Variants in MRPS25 observed in about 807,000 individuals in gnomAD.
MRPS25 encodes mitochondrial ribosomal protein S25.
A neutral mutation model predicts 17.3 loss-of-function variants in MRPS25; 15 were observed. The ratio of observed to expected loss-of-function variants is 0.87; its 90% CI spans 0.58 to 1.34. MRPS25 has a LOEUF of 1.34. Ranked by LOEUF, MRPS25 falls within the 40% of genes most tolerant of loss-of-function variation. The probability of loss-of-function intolerance (pLI) is 0.00; values close to 1 mark genes in which losing one functional copy is unlikely to be tolerated. For missense variants in MRPS25, 225 were observed against 218.6 expected, an observed-to-expected ratio of 1.03 and a Z score of -0.19; for synonymous variants, 94 against 83.3, an observed-to-expected ratio of 1.13 and a Z score of -0.70.
At chr3:15,061,486 G>A (rs1321979018) in intron 1 of MRPS25, among the ~76,000 whole-genome samples, 5 of 152,218 alleles carry the variant, frequency 3.3e-5, no homozygotes, top group Non-Finnish European at 7.3e-5. Flanking sequence ...CAGAGGTGCC[G>A]GGATTGCAGA....
chr3:15,051,290 C>A lies in MRPS25; in HGVS notation c.*1151G>T. 1 of 697,716 alleles carries A rather than the reference C, an allele frequency of 1.4e-6. No homozygotes were observed. The highest frequency in any genetic ancestry group is 1.8e-6 in the Non-Finnish European group (1 of 567,206). The allele number at this position is 697,716 out of a possible 1,614,324, so 43.2% of individuals were successfully genotyped here. ...AGCCTTGATCTCGCAGGCTCGAGATCCTCCCACCTCAGCTTCCCAAATAGC... is the reference window on the plus strand; with the variant it reads ...AGCCTTGATCTCGCAGGCTCGAGATACTCCCACCTCAGCTTCCCAAATAGC... On this transcript the variant is annotated 3_prime_UTR_variant, in exon 4 of 4. Transcript: ENST00000253686.
Position 15,052,969 on chromosome 3 carries a change from T to G in MRPS25, c.330-336A>C, listed in dbSNP as rs548182564. Among the ~76,000 whole-genome samples, 6 of 152,236 alleles carry G rather than the reference T, an allele frequency of 3.9e-5. No homozygotes were observed. The East Asian group carries it at 1.2e-3, about 29-fold the overall frequency. On this transcript the variant is annotated intron_variant, in intron 3 of 3. Transcript: ENST00000253686. ...TCTGTGTGGTTTCTCAAAGACAGAC[T>G]TTTTCAGCTTCCGTCCCTTTCTGTC...
In MRPS25 at chr3:15,053,207, T is replaced by C. The variant is rs1018744478; in HGVS notation, c.329+173A>G. 7 of 1,395,424 alleles carry C rather than the reference T, an allele frequency of 5.0e-6. No individual in the cohort carries two copies. The African/African-American group carries it at 1.0e-4, about 20-fold the overall frequency. The allele number at this position is 1,395,424 out of a possible 1,614,324, so 86.4% of individuals were successfully genotyped here. A position where few individuals can be genotyped will look rare whatever the true frequency, so the allele number is the denominator to read the frequency against. On this transcript the variant is annotated intron_variant, in intron 3 of 3. Transcript: ENST00000253686. ...ATAAAGCTTACAGAGGTTTAATGAT[T>C]TGGTAAAGAGCAACATCAGAAAGAA...
At position 15,050,846 on chromosome 3, in the gene MRPS25, T is replaced by A. The variant is rs2042593289; in HGVS notation, c.*1595A>T. On this transcript the variant is annotated 3_prime_UTR_variant, in exon 4 of 4. Transcript: ENST00000253686. ...AAACTTGAGCATCAAATGTAAAAGATCCAAATCTGCTCAATTTAATGTGAT... is the reference window on the plus strand; with the variant it reads ...AAACTTGAGCATCAAATGTAAAAGAACCAAATCTGCTCAATTTAATGTGAT... 3.0e-6 allele frequency: 3 copies of A among 984,954 alleles called. No homozygotes were observed. In the African/African-American group the frequency reaches 5.3e-5, roughly 17 times the overall value. The allele number at this position is 984,954 out of a possible 1,614,324, so 61.0% of individuals were successfully genotyped here. A position where few individuals can be genotyped will look rare whatever the true frequency, so the allele number is the denominator to read the frequency against.
At chr3:15,053,903 C>T (rs1249361934) in intron 2 of MRPS25, among the ~76,000 whole-genome samples, 1 of 152,152 alleles carries the variant, frequency 6.6e-6, no homozygotes, top group Non-Finnish European at 1.5e-5. Context: ...AGAACGTTTA[C>T]TTTCCAATTT....
rs1166441566 is a variant in MRPS25 at position 15,050,106 on chromosome 3, A to G, written c.*2335T>C. ...TTCATCACTACTAAACAAAATAGGG[A>G]AAGACAAAGGTTTAAAGAGAAACTA... On this transcript the variant is annotated 3_prime_UTR_variant, in exon 4 of 4. Coordinates refer to ENST00000253686, the MANE Select transcript of MRPS25 (RefSeq NM_022497.5). 2.9e-6 allele frequency: 4 copies of G among 1,394,382 alleles called. No individual in the cohort carries two copies. Among genetic ancestry groups the G allele is most frequent in the Non-Finnish European group, 2.8e-6 (3 of 1,087,438 alleles). The allele number at this position is 1,394,382 out of a possible 1,614,324, so 86.4% of individuals were successfully genotyped here.
At chr3:15,063,059 AAAAG>A (rs1559330831) in intron 1 of MRPS25, among the ~76,000 whole-genome samples, 3 of 152,210 alleles carry the variant, frequency 2.0e-5, no homozygotes, top group East Asian at 1.9e-4. Flanking sequence ...AAAAAAAAAA[AAAAG>A]AAAGTTAATA....
At position 15,059,382 on chromosome 3, in the gene MRPS25, C is replaced by G. The variant is rs765735647; in HGVS notation, c.228G>C (p.Leu76=). 2 of 1,612,696 alleles carry G rather than the reference C, an allele frequency of 1.2e-6. No homozygotes were observed. The highest frequency in any genetic ancestry group is 1.7e-5 in the Admixed American group (1 of 59,998). ...GGCCCCACTCACCTAAGTAGAATCG[C>G]AGGAAGGGTGACGGCGTCATGTTCT... is the stretch of plus-strand genomic sequence containing the variant. ...MFKNMTPSPF[L]RFYLDSGEQV... Residue 76 remains leucine, a synonymous_variant, in exon 2 of 4, where the codon CTG becomes CTC. Coordinates refer to ENST00000253686, the MANE Select transcript of MRPS25 (RefSeq NM_022497.5).
At chr3:15,064,997 G>A in intron 1 of MRPS25, 64 bp downstream of exon 1, 2 of 1,545,660 alleles carry the variant, frequency 1.3e-6, no homozygotes, top group Non-Finnish European at 1.7e-6. Context: ...GGGACCTCAC[G>A]TTACCAGCAG....
At chr3:15,052,673 T>G in intron 3 of MRPS25, 40 bp from the exon 4 acceptor site, 1 of 1,598,478 alleles carries the variant, frequency 6.3e-7, no homozygotes, top group Non-Finnish European at 8.5e-7. Flanking sequence ...ATTGGCAACT[T>G]TGAGTGGCAG....
At chr3:15,055,428 A>G (rs1453366612) in intron 2 of MRPS25, among the ~76,000 whole-genome samples, 1 of 152,256 alleles carries the variant, frequency 6.6e-6, no homozygotes, top group Non-Finnish European at 1.5e-5. Flanking sequence ...CAAGATATGC[A>G]AATGGCTAAA....
chr3:15,056,028 A>G (rs1367801378), intron 2 of MRPS25, among the ~76,000 whole-genome samples: 9 of 151,900 alleles, frequency 5.9e-5, no homozygotes. Context: ...CCTGGCTAAC[A>G]CCGTGAAACC....
rs2042619757 is a variant in MRPS25, at chr3:15,052,627, G to A, written c.336C>T (p.Thr112=). The A allele has an allele frequency of 6.2e-7, 1 of 1,613,538 alleles. No homozygotes were observed. ...TTTTCTCCTCCTCCTCTTCCCTGAG[G>A]GTTTCCCTGCCAAAGAGCACAGACG... ...IRKILGKNEE[T]LREEEEEKKQ... is the part of the protein sequence containing the mutation. The change falls in exon 4 of 4, where the codon ACC becomes ACT. Residue 112 remains threonine (T), a synonymous_variant. Transcript: ENST00000253686.
In MRPS25 at chr3:15,051,507, C is replaced by T; in HGVS notation, c.*934G>A. On this transcript the variant is annotated 3_prime_UTR_variant, in exon 4 of 4. Transcript: ENST00000253686. The stretch of plus-strand genomic sequence containing the variant: ...CTAGCTAAACCTATTCTTAAGGTGA[C>T]CCTAGAAGGCTCTGCTGTCTTCTGG... 2.0e-6 allele frequency: 2 copies of T among 985,366 alleles called. No homozygotes were observed. The highest frequency in any genetic ancestry group is 2.4e-6 in the Non-Finnish European group (2 of 829,912). 61.0% of individuals were successfully genotyped at this position (985,366 alleles called of 1,614,324 possible). A position where few individuals can be genotyped will look rare whatever the true frequency, so the allele number is the denominator to read the frequency against.
chr3:15,042,746 A>G, downstream of MRPS25: 4 of 1,196,960 alleles, frequency 3.3e-6, no homozygotes, highest in South Asian at 5.8e-5. Flanking sequence ...GATTCTGTGC[A>G]ATACAGACGG....
At chr3:15,058,823 C>G (rs975009554) in intron 2 of MRPS25, among the ~76,000 whole-genome samples, 11 of 152,068 alleles carry the variant, frequency 7.2e-5, no homozygotes, top group Non-Finnish European at 1.6e-4. Flanking sequence ...TCCTCGTTTT[C>G]CAGCGTGGAG....
chr3:15,058,934 A>ATGTCTC (rs890932369), intron 2 of MRPS25, among the ~76,000 whole-genome samples: 2 of 151,880 alleles, frequency 1.3e-5, no homozygotes, highest in Non-Finnish European at 2.9e-5. Flanking sequence ...GCACCGAGAC[A>ATGTCTC]GAGGGGTTCT....
chr3:15,050,117 T>C lies in MRPS25; in HGVS notation c.*2324A>G. 1 of 1,379,556 alleles carries C rather than the reference T, an allele frequency of 7.2e-7. No individual in the cohort carries two copies. The highest frequency in any genetic ancestry group is 9.3e-7 in the Non-Finnish European group (1 of 1,079,046). 85.5% of individuals were successfully genotyped at this position (1,379,556 alleles called of 1,614,324 possible). On this transcript the variant is annotated 3_prime_UTR_variant, in exon 4 of 4. Coordinates refer to ENST00000253686, the MANE Select transcript of MRPS25 (RefSeq NM_022497.5). ...TAAACAAAATAGGGAAAGACAAAGG[T>C]TTAAAGAGAAACTATCCAGGATCAA...
rs753278284 is a variant in MRPS25, at chr3:15,059,494, G to A, written c.135-19C>T. On this transcript the variant is annotated intron_variant, in intron 1 of 3. Coordinates refer to ENST00000253686, the MANE Select transcript of MRPS25 (RefSeq NM_022497.5). Reference sequence around the variant, plus strand: ...AAACTTCCTGCAAAAGGGAAGAAATGAAGCCTATGAAACAGAGTTTTTAGC... The same window carrying A: ...AAACTTCCTGCAAAAGGGAAGAAATAAAGCCTATGAAACAGAGTTTTTAGC... The A allele has an allele frequency of 6.5e-7, 1 of 1,538,390 alleles. No individual in the cohort carries two copies. The highest frequency in any genetic ancestry group is 2.3e-5 in the East Asian group (1 of 44,154).
Sources: gnomAD v4.1 joint callset for allele counts (sites outside exome capture counted in the v4.1 genomes callset) on GRCh38, gnomAD v4.1.1 for gene constraint, MANE v1.5 for transcripts, NCBI Gene and HGNC (gene_info 2026-07-23, HGNC 2026-07-21) for gene names.